Variants in MERTK observed in about 807,000 individuals in gnomAD.
The protein encoded by MERTK is tyrosine-protein kinase Mer.
In MERTK, 69 loss-of-function variants were observed where a neutral mutation model predicts 99.3. The ratio of observed to expected loss-of-function variants is 0.70; its 90% CI spans 0.57 to 0.85. The LOEUF is 0.85. Among genes scored for constraint, MERTK ranks in the 40% least tolerant of loss-of-function variants. The pLI is 0.00. For synonymous variants in MERTK, 426 were observed against 467.6 expected (o/e 0.91, Z 1.15); for missense variants, 1,125 against 1,249.4 (o/e 0.90, Z 1.50).
At chr2:112,001,429 C>T in intron 11 of MERTK, 143 bp downstream of exon 11, 3 of 737,370 alleles carry the variant, frequency 4.1e-6, no homozygotes, top group Non-Finnish European at 7.1e-6. Context: ...TTAAAAGCAG[C>T]AAGTAGATAG....
intron 1 of MERTK, 69 bp downstream of exon 1, chr2:111,898,865 G>A: frequency 6.8e-7 from 1 of 1,480,292 alleles, no homozygotes. Flanking sequence ...GGCCTCTGGG[G>A]AGGGAGCGCG....
At chr2:111,981,993 C>T (rs531162031) in intron 7 of MERTK, among the ~76,000 whole-genome samples, 1 of 152,184 alleles carries the variant, frequency 6.6e-6, no homozygotes, top group Admixed American at 6.5e-5. Context: ...GTCCAGAGCA[C>T]CACCCACCCT....
At chr2:111,974,521 G>A (rs1676198842) in intron 6 of MERTK, among the ~76,000 whole-genome samples, 2 of 152,206 alleles carry the variant, frequency 1.3e-5, no homozygotes, top group Admixed American at 1.3e-4. Flanking sequence ...TGTAATCCCA[G>A]CGCTTTGGAA....
At chr2:111,975,980 A>G (rs753901121) in intron 7 of MERTK, among the ~76,000 whole-genome samples, 17 of 151,972 alleles carry the variant, frequency 1.1e-4, no homozygotes, top group Admixed American at 2.6e-4. Context: ...TTAGATGCCA[A>G]TCACAAGTCT....
chr2:111,959,369 A>G (rs1308830963), intron 4 of MERTK, among the ~76,000 whole-genome samples: 1 of 152,126 alleles, frequency 6.6e-6, no homozygotes, highest in African/African-American at 2.4e-5. Flanking sequence ...TCCTTGCATT[A>G]CAAAAGAAAA....
intron 18 of MERTK, chr2:112,022,670 G>A: frequency 3.0e-6 from 2 of 673,598 alleles, no homozygotes; most frequent in Middle Eastern, 4.0e-4. Flanking sequence ...AATGGCACCT[G>A]TCCTAAAATT....
chr2:111,963,555 G>A (rs1341548726), intron 4 of MERTK, among the ~76,000 whole-genome samples: 2 of 150,938 alleles, frequency 1.3e-5, no homozygotes, highest in Non-Finnish European at 3.0e-5. Context: ...TTAGGGAGTG[G>A]TGATGACTCT....
Position 112,029,399 on chromosome 2 carries a change from A to T in MERTK, c.*535A>T. ...GTTGAACTTACTTGAGACTTGAAAG[A>T]CAGTGGTCGGCAGCGGCCTTGTGGC... is the stretch of plus-strand genomic sequence containing the variant. On this transcript the variant is annotated 3_prime_UTR_variant, in exon 19 of 19. Coordinates refer to ENST00000295408, the MANE Select transcript of MERTK (RefSeq NM_006343.3). 1 of 914,706 alleles carries T rather than the reference A, an allele frequency of 1.1e-6. No homozygotes were observed. Among genetic ancestry groups the T allele is most frequent in the Non-Finnish European group, 1.3e-6 (1 of 765,332 alleles). The allele number at this position is 914,706 out of a possible 1,614,324, so 56.7% of individuals were successfully genotyped here.
At chr2:111,985,707 T>C (rs1676465780) in intron 8 of MERTK, among the ~76,000 whole-genome samples, 1 of 152,070 alleles carries the variant, frequency 6.6e-6, no homozygotes, top group African/African-American at 2.4e-5. Flanking sequence ...AACTCCCCTT[T>C]ATAAAACCAT....
chr2:112,002,711 C>T (rs1397949786), intron 11 of MERTK, among the ~76,000 whole-genome samples: 1 of 152,164 alleles, frequency 6.6e-6, no homozygotes, highest in Admixed American at 6.5e-5. Context: ...TGGTGGTTCA[C>T]ACCTGTAATC....
intron 4 of MERTK, among the ~76,000 whole-genome samples, chr2:111,964,041 T>G (rs2104721111): frequency 7.2e-6 from 1 of 137,974 alleles, no homozygotes; most frequent in African/African-American, 2.8e-5. Context: ...AAAATTTTCT[T>G]TCTTTTTTTT....
At chr2:112,024,360 G>A (rs1382087917) in intron 18 of MERTK, among the ~76,000 whole-genome samples, 1 of 152,216 alleles carries the variant, frequency 6.6e-6, no homozygotes, top group Non-Finnish European at 1.5e-5. Context: ...ACAAGTGAAT[G>A]CTGAGTCGGT....
intron 2 of MERTK, among the ~76,000 whole-genome samples, chr2:111,941,485 C>T (rs986569526): frequency 6.6e-6 from 1 of 152,168 alleles, no homozygotes; most frequent in Non-Finnish European, 1.5e-5. Flanking sequence ...ATCCACTCTC[C>T]GCGTTTCCTC....
At chr2:111,961,306 G>T (rs1180034743) in intron 4 of MERTK, among the ~76,000 whole-genome samples, 1 of 150,732 alleles carries the variant, frequency 6.6e-6, no homozygotes, top group Non-Finnish European at 1.5e-5. Context: ...GACTACAGGC[G>T]CCCGCCACAA....
At chr2:111,900,635 C>A (rs907032602) in intron 1 of MERTK, among the ~76,000 whole-genome samples, 14 of 152,108 alleles carry the variant, frequency 9.2e-5, no homozygotes, top group Non-Finnish European at 1.9e-4. Context: ...TTTAATCAGA[C>A]AATCATAAAA....
At chr2:111,997,068 A>G in intron 9 of MERTK, 2 of 554,722 alleles carry the variant, frequency 3.6e-6, no homozygotes, top group Non-Finnish European at 6.5e-6. Flanking sequence ...GAAAAATTGT[A>G]TATACCTGTG....
chr2:111,966,487 T>A (rs1184143703), intron 5 of MERTK, among the ~76,000 whole-genome samples: 1 of 152,218 alleles, frequency 6.6e-6, no homozygotes, highest in Non-Finnish European at 1.5e-5. Flanking sequence ...TGAGTGTGTG[T>A]GAGTTTGTAA....
intron 8 of MERTK, among the ~76,000 whole-genome samples, chr2:111,984,947 G>T (rs1038455361): frequency 1.3e-5 from 2 of 152,130 alleles, no homozygotes; most frequent in Non-Finnish European, 2.9e-5. Context: ...CTGGGTAGGG[G>T]TATCGTAGGG....
intron 5 of MERTK, 92 bp downstream of exon 5, chr2:111,965,369 G>A: frequency 8.2e-7 from 1 of 1,220,628 alleles, no homozygotes; most frequent in Non-Finnish European, 1.2e-6. Flanking sequence ...TGTGGATCCT[G>A]GCTTTCTCAC....
Sources: gnomAD v4.1 joint callset for allele counts (sites outside exome capture counted in the v4.1 genomes callset) on GRCh38, gnomAD v4.1.1 for gene constraint, MANE v1.5 for transcripts, NCBI Gene and HGNC (gene_info 2026-07-23, HGNC 2026-07-21) for gene names.